TTC7B: variants seen among roughly 807,000 people sequenced by gnomAD.
TTC7B encodes the protein tetratricopeptide repeat protein 7B.
Under a neutral mutation model 106.8 loss-of-function variants are expected in TTC7B, and 28 were observed. That is an observed-to-expected ratio of 0.26 (90% CI 0.19 to 0.36). The LOEUF is 0.36. Among genes scored for constraint, TTC7B ranks in the 10% least tolerant of loss-of-function variants. The pLI, the probability that TTC7B is intolerant of heterozygous loss-of-function variation, is 1.00. For synonymous variants in TTC7B, 405 were observed against 430.6 expected (o/e 0.94, Z 0.74); for missense variants, 862 against 1,076.4 (o/e 0.80, Z 2.79).
At chr14:90,615,450 A>G (rs1044501301) in intron 16 of TTC7B, among the ~76,000 whole-genome samples, 2 of 152,222 alleles carry the variant, frequency 1.3e-5, no homozygotes, top group Non-Finnish European at 2.9e-5. Context: ...TCCGGGGAGA[A>G]GCCAAATGCT....
rs1434002252 is a variant in TTC7B at position 90,786,443 on chromosome 14, T to A, written c.122-115A>T. The A allele has an allele frequency of 9.6e-6, 12 of 1,252,598 alleles. No individual in the cohort carries two copies. The South Asian group carries it at 1.6e-4, about 17-fold the overall frequency. 77.6% of individuals were successfully genotyped at this position (1,252,598 alleles called of 1,614,324 possible). On this transcript the variant is annotated intron_variant, in intron 1 of 19. Coordinates refer to ENST00000328459, the MANE Select transcript of TTC7B (RefSeq NM_001010854.2). ...CCGAGGCTCCAGGCCCCCAGCAAGG[T>A]CCTTCTGGAACTTCATAGCCTTCAT...
chr14:90,566,484 C>T (rs1890806518), intron 19 of TTC7B, among the ~76,000 whole-genome samples: 1 of 152,174 alleles, frequency 6.6e-6, no homozygotes, highest in African/African-American at 2.4e-5. Flanking sequence ...CTGTACCCTC[C>T]TCCTTCACAA....
chr14:90,558,782 C>G (rs1345670464), intron 19 of TTC7B, among the ~76,000 whole-genome samples: 1 of 152,208 alleles, frequency 6.6e-6, no homozygotes, highest in African/African-American at 2.4e-5. Context: ...GCAAGGAAAA[C>G]AGAAACGGGC....
At chr14:90,602,210 A>T (rs1307623846) in intron 17 of TTC7B, 1 of 456,070 alleles carries the variant, frequency 2.2e-6, no homozygotes, top group East Asian at 7.0e-5. Context: ...CCTAGGGTGG[A>T]AAAAACGATT....
At chr14:90,758,898 G>A (rs750801496) in intron 3 of TTC7B, among the ~76,000 whole-genome samples, 1 of 152,342 alleles carries the variant, frequency 6.6e-6, no homozygotes, top group South Asian at 2.1e-4. Context: ...AGGATAAAGG[G>A]AGGTAAGGGA....
At chr14:90,740,842 C>T (rs2139998645) in intron 4 of TTC7B, among the ~76,000 whole-genome samples, 1 of 152,224 alleles carries the variant, frequency 6.6e-6, no homozygotes, top group East Asian at 1.9e-4. Context: ...TATAATATTC[C>T]AGATTTTAAC....
chr14:90,568,034 C>A (rs1486171027), intron 19 of TTC7B, among the ~76,000 whole-genome samples: 1 of 152,160 alleles, frequency 6.6e-6, no homozygotes, highest in Non-Finnish European at 1.5e-5. Flanking sequence ...GGGACCAGCA[C>A]CAAATGGTGG....
At chr14:90,726,235 G>A (rs1889097452) in intron 5 of TTC7B, among the ~76,000 whole-genome samples, 1 of 152,230 alleles carries the variant, frequency 6.6e-6, no homozygotes, top group African/African-American at 2.4e-5. Context: ...CGAGGGTGAG[G>A]CCGTTTCTCT....
intron 3 of TTC7B, among the ~76,000 whole-genome samples, chr14:90,754,103 C>T (rs565987302): frequency 6.6e-6 from 1 of 152,098 alleles, no homozygotes; most frequent in Admixed American, 6.5e-5. Flanking sequence ...ATGAGGGAAC[C>T]CTGTGTGAAA....
chr14:90,606,823 C>T (rs1351920733), intron 17 of TTC7B, among the ~76,000 whole-genome samples: 2 of 152,240 alleles, frequency 1.3e-5, no homozygotes, highest in Non-Finnish European at 1.5e-5. Flanking sequence ...TGTTATTCCA[C>T]AGCTCTGCAT....
chr14:90,623,295 G>A (rs1328319544), intron 15 of TTC7B, among the ~76,000 whole-genome samples: 2 of 152,004 alleles, frequency 1.3e-5, no homozygotes, highest in South Asian at 2.1e-4. Context: ...GATTCTTAAC[G>A]ACAACCCTGC....
In TTC7B at chr14:90,814,064, T is replaced by C. The variant is rs114845379; in HGVS notation, c.121+2111A>G. Reference sequence around the variant, plus strand: ...ACTTTTTGCCATCAATGGCTACCACTCACCATGTGAGTCTCTAGGACAAAA... The same window carrying C: ...ACTTTTTGCCATCAATGGCTACCACCCACCATGTGAGTCTCTAGGACAAAA... On this transcript the variant is annotated intron_variant, in intron 1 of 19. Coordinates refer to ENST00000328459, the MANE Select transcript of TTC7B (RefSeq NM_001010854.2). Among the ~76,000 whole-genome samples the C allele has an allele frequency of 4.2e-3, 642 of 152,336 alleles. 9 individuals are homozygous for C. Among genetic ancestry groups the C allele is most frequent in the African/African-American group, 0.014 (599 of 41,564 alleles).
chr14:90,563,817 A>C (rs959561805), intron 19 of TTC7B, among the ~76,000 whole-genome samples: 1 of 152,234 alleles, frequency 6.6e-6, no homozygotes, highest in African/African-American at 2.4e-5. Flanking sequence ...TCCATCTCAC[A>C]AAAACACTTT....
At chr14:90,593,452 C>A in intron 18 of TTC7B, 34 bp downstream of exon 18, 1 of 1,539,490 alleles carries the variant, frequency 6.5e-7, no homozygotes, top group South Asian at 1.2e-5. Context: ...CAGGCTCTGG[C>A]ACAGCAGCGG....
At chr14:90,797,065 G>T (rs2029922306) in intron 1 of TTC7B, among the ~76,000 whole-genome samples, 1 of 149,824 alleles carries the variant, frequency 6.7e-6, no homozygotes, top group Non-Finnish European at 1.5e-5. Flanking sequence ...AGCTGGTCTG[G>T]AACTCCTGGT....
rs1889115070 is a variant in TTC7B at position 90,525,065 on chromosome 14, T to A, written c.*16303A>T. On this transcript the variant is annotated 3_prime_UTR_variant, in exon 20 of 20. Transcript: ENST00000328459. ...ATATCCATCACCCTCAAAATGTCTT[T>A]ATCATCTTTGAAACCCCTCCCTCTG... The A allele has an allele frequency of 6.6e-6, 1 of 152,180 alleles. No individual in the cohort carries two copies. The allele number at this position is 152,180 out of a possible 1,614,324, so 9.4% of individuals were successfully genotyped here. A position where few individuals can be genotyped will look rare whatever the true frequency, so the allele number is the denominator to read the frequency against.
intron 19 of TTC7B, among the ~76,000 whole-genome samples, chr14:90,544,999 G>GC (rs1463487527): frequency 6.6e-6 from 1 of 152,196 alleles, no homozygotes; most frequent in Non-Finnish European, 1.5e-5. Context: ...CAAGTGGAGG[G>GC]TTTTTCCCCA....
chr14:90,632,720 T>C (rs771703709), intron 15 of TTC7B, among the ~76,000 whole-genome samples: 3 of 152,254 alleles, frequency 2.0e-5, no homozygotes, highest in Non-Finnish European at 4.4e-5. Flanking sequence ...GTTGAAATCA[T>C]GGCTCTGCCT....
chr14:90,606,562 A>G (rs944120947), intron 17 of TTC7B, among the ~76,000 whole-genome samples: 6 of 152,230 alleles, frequency 3.9e-5, no homozygotes, highest in East Asian at 1.9e-4. Flanking sequence ...AACTTATTCC[A>G]AAGAAAAGAC....
Sources: allele counts gnomAD v4.1 joint callset (sites outside exome capture counted in the v4.1 genomes callset), GRCh38; gene constraint gnomAD v4.1.1; transcripts MANE v1.5; gene names NCBI Gene and HGNC (gene_info 2026-07-23, HGNC 2026-07-21).